The following CCDC171 variants were observed in gnomAD, a reference collection of about 807,000 sequenced individuals.
CCDC171 encodes coiled-coil domain containing 171, also known as coiled-coil domain-containing protein 171.
Under a neutral mutation model 168.2 loss-of-function variants are expected in CCDC171, and 177 were observed. The ratio of observed to expected loss-of-function variants is 1.05; its 90% CI spans 0.93 to 1.19. The LOEUF (loss-of-function observed/expected upper bound fraction) is 1.19. Ranked by LOEUF, CCDC171 falls within the 50% of genes most tolerant of loss-of-function variation. The pLI is 0.00. For missense variants in CCDC171, 1,991 were observed against 1,539.0 expected, an observed-to-expected ratio of 1.29 and a Z score of -4.91; for synonymous variants, 687 against 540.8, an observed-to-expected ratio of 1.27 and a Z score of -3.75.
chr9:15,561,070 A>C lies in CCDC171; in HGVS notation c.-111-2908A>C, dbSNP rs10962067. ...AAATCATTCGTCTTTTGTGTCGCTC[A>C]CGCTGGGAGCTACAGACTGGAGCTG... On this transcript the variant is annotated intron_variant, in intron 1 of 25. Transcript: ENST00000380701. Among the ~76,000 whole-genome samples, 457 of 152,282 alleles carry C rather than the reference A, an allele frequency of 3.0e-3. 1 individual carries two copies. Among genetic ancestry groups the C allele is most frequent in the Admixed American group, 6.3e-3 (96 of 15,290 alleles).
the CCDC171 span, among the ~76,000 whole-genome samples, chr9:16,108,597 C>G: frequency 6.6e-6 from 1 of 152,060 alleles, no homozygotes; most frequent in Non-Finnish European, 1.5e-5. Flanking sequence ...CTGAATGACC[C>G]ACGTAGAACT....
chr9:15,676,961 C>T (rs1367826773), intron 9 of CCDC171, among the ~76,000 whole-genome samples: 5 of 152,044 alleles, frequency 3.3e-5, no homozygotes, highest in Non-Finnish European at 4.4e-5. Context: ...AATAATAATA[C>T]GTGTGTTTCC....
intron 24 of CCDC171, among the ~76,000 whole-genome samples, chr9:15,899,609 G>A (rs901530366): frequency 1.3e-5 from 2 of 152,056 alleles, no homozygotes; most frequent in Admixed American, 6.6e-5. Context: ...ATATCTTTAT[G>A]TGCCTGTTTG....
At chr9:15,562,875 G>A (rs2039421896) in intron 1 of CCDC171, among the ~76,000 whole-genome samples, 1 of 144,716 alleles carries the variant, frequency 6.9e-6, no homozygotes, top group South Asian at 2.3e-4. Context: ...AATGTGACAA[G>A]ATTTTGGGAC....
chr9:15,897,512 C>A (rs550933914), intron 24 of CCDC171, among the ~76,000 whole-genome samples: 5 of 151,956 alleles, frequency 3.3e-5, no homozygotes, highest in South Asian at 4.2e-4. Flanking sequence ...AATGAAGTTC[C>A]CAAGAAAATA....
At chr9:16,059,856 A>C (rs1189892347) in intron 1 of CCDC171, among the ~76,000 whole-genome samples, 1 of 151,876 alleles carries the variant, frequency 6.6e-6, no homozygotes, top group Non-Finnish European at 1.5e-5. Flanking sequence ...AAAAACTTGC[A>C]AGTGAGTGAG....
At chr9:15,983,815 A>AGTGTGTGTGTGT (rs563329483) in intron 3 of CCDC171, among the ~76,000 whole-genome samples, 7,177 of 124,056 alleles carry the variant, frequency 0.058, 304 homozygotes, top group East Asian at 0.071. Flanking sequence ...CTAAATAAAG[A>AGTGTGTGTGTGT]GAGTGTGTGT....
intron 7 of CCDC171, among the ~76,000 whole-genome samples, chr9:15,626,275 T>A (rs1179681871): frequency 2.0e-5 from 3 of 152,210 alleles, no homozygotes; most frequent in African/African-American, 7.2e-5. Flanking sequence ...ACAATTTGAC[T>A]TCCTCTTTTC....
chr9:15,748,356 C>T (rs1461973270), intron 18 of CCDC171, among the ~76,000 whole-genome samples: 1 of 152,132 alleles, frequency 6.6e-6, no homozygotes, highest in African/African-American at 2.4e-5. Flanking sequence ...ATTGGTGTAT[C>T]TGAAAGTGAC....
At chr9:15,869,227 A>G (rs745983016) in intron 23 of CCDC171, among the ~76,000 whole-genome samples, 16 of 151,962 alleles carry the variant, frequency 1.1e-4, no homozygotes, top group Non-Finnish European at 2.1e-4. Context: ...TTACTAATAG[A>G]AGTAGTATTA....
intron 25 of CCDC171, among the ~76,000 whole-genome samples, chr9:15,964,953 G>A (rs1179349070): frequency 1.3e-5 from 2 of 151,996 alleles, no homozygotes; most frequent in Admixed American, 1.3e-4. Context: ...AGCAGAGACG[G>A]GTTTTCACCA....
At chr9:15,948,214 C>T (rs1233923371) in intron 25 of CCDC171, among the ~76,000 whole-genome samples, 1 of 150,786 alleles carries the variant, frequency 6.6e-6, no homozygotes, top group Non-Finnish European at 1.5e-5. Flanking sequence ...TTTTCTTAAT[C>T]CAGTCTATCG....
At chr9:15,567,899 C>T (rs949782899) in intron 2 of CCDC171, among the ~76,000 whole-genome samples, 6 of 152,060 alleles carry the variant, frequency 3.9e-5, no homozygotes, top group Non-Finnish European at 7.4e-5. Context: ...AGTGATCCTC[C>T]TGCCTTGGCT....
intron 3 of CCDC171, among the ~76,000 whole-genome samples, chr9:15,996,149 C>T (rs1832363105): frequency 2.0e-5 from 3 of 152,128 alleles, no homozygotes; most frequent in Non-Finnish European, 4.4e-5. Flanking sequence ...TTACTTTTCT[C>T]TTTTTCTTTT....
chr9:16,087,331 G>A, the CCDC171 span, among the ~76,000 whole-genome samples: 2 of 152,054 alleles, frequency 1.3e-5, no homozygotes, highest in Admixed American at 6.6e-5. Flanking sequence ...ACAGTGGGGT[G>A]TTAAAGCCTC....
chr9:15,980,712 T>C (rs1318663059), intron 3 of CCDC171, among the ~76,000 whole-genome samples: 2 of 151,952 alleles, frequency 1.3e-5, no homozygotes, highest in Non-Finnish European at 2.9e-5. Context: ...TATAATGTCA[T>C]GGTTGATATT....
At chr9:15,983,507 T>TGA (rs1481153941) in intron 3 of CCDC171, among the ~76,000 whole-genome samples, 4 of 143,296 alleles carry the variant, frequency 2.8e-5, no homozygotes, top group South Asian at 4.6e-4. Context: ...TGTGTGTGTG[T>TGA]GTGTGAGAGA....
At chr9:16,011,900 C>T (rs7031725) in intron 3 of CCDC171, among the ~76,000 whole-genome samples, 49,773 of 152,012 alleles carry the variant, frequency 0.33, 8,426 homozygotes, top group Non-Finnish European at 0.36. Flanking sequence ...CTTATCTTCT[C>T]AAGGGTTGTG....
chr9:15,831,156 T>G (rs1053258936), intron 21 of CCDC171, among the ~76,000 whole-genome samples: 2 of 151,808 alleles, frequency 1.3e-5, no homozygotes, highest in African/African-American at 4.8e-5. Flanking sequence ...GTATTTTTAG[T>G]AGAGACGGAG....
Sources: gnomAD v4.1 joint callset for allele counts (sites outside exome capture counted in the v4.1 genomes callset) on GRCh38, gnomAD v4.1.1 for gene constraint, MANE v1.5 for transcripts, NCBI Gene and HGNC (gene_info 2026-07-23, HGNC 2026-07-21) for gene names.